TMEM135: variants seen among roughly 807,000 people sequenced by gnomAD.
TMEM135 encodes transmembrane protein 135, also known as peroxisomal membrane protein 52.
Under a neutral mutation model 60.3 loss-of-function variants are expected in TMEM135, and 30 were observed. The ratio of observed to expected loss-of-function variants is 0.50; its 90% CI spans 0.37 to 0.68. TMEM135 has a LOEUF of 0.68. Ranked by LOEUF, TMEM135 falls within the 30% of genes least tolerant of loss-of-function variation. TMEM135 has a pLI of 0.00. For synonymous variants in TMEM135, 190 were observed against 186.7 expected (o/e 1.02, Z -0.14); for missense variants, 468 against 548.8 (o/e 0.85, Z 1.47).
chr11:87,072,791 A>C (rs1365517487), intron 3 of TMEM135, among the ~76,000 whole-genome samples: 1 of 152,188 alleles, frequency 6.6e-6, no homozygotes, highest in African/African-American at 2.4e-5. Flanking sequence ...ACTTACATAA[A>C]CTGTTCAGTC....
chr11:87,222,921 C>A (rs370794516), intron 5 of TMEM135, among the ~76,000 whole-genome samples: 7 of 152,106 alleles, frequency 4.6e-5, no homozygotes, highest in Admixed American at 4.6e-4. Flanking sequence ...TATTCAACAT[C>A]GTTACATCTT....
intron 4 of TMEM135, among the ~76,000 whole-genome samples, chr11:87,156,734 G>A (rs1938705839): frequency 6.6e-6 from 1 of 151,884 alleles, no homozygotes; most frequent in Non-Finnish European, 1.5e-5. Flanking sequence ...TTTATCTCCT[G>A]TCTCTATATT....
At chr11:87,297,536 G>C (rs1056825770) in intron 7 of TMEM135, among the ~76,000 whole-genome samples, 4 of 152,164 alleles carry the variant, frequency 2.6e-5, no homozygotes, top group African/African-American at 9.7e-5. Flanking sequence ...AAAAACAAAA[G>C]TTAGGTTTTC....
intron 14 of TMEM135, 29 bp downstream of exon 14, chr11:87,319,406 T>C: frequency 6.7e-7 from 1 of 1,497,576 alleles, no homozygotes. Context: ...TTCTTAAAAA[T>C]ATTATGAGTG....
chr11:87,165,875 C>T (rs1003721317), intron 5 of TMEM135, among the ~76,000 whole-genome samples: 1 of 150,496 alleles, frequency 6.6e-6, no homozygotes, highest in Non-Finnish European at 1.5e-5. Flanking sequence ...AGAGAAGAAT[C>T]TAATAGACGC....
intron 3 of TMEM135, among the ~76,000 whole-genome samples, chr11:87,090,433 C>T (rs919977854): frequency 4.6e-5 from 7 of 152,016 alleles, no homozygotes; most frequent in South Asian, 4.2e-4. Context: ...GTGTATGAAT[C>T]GGGCATCAAG....
In TMEM135 at chr11:87,055,327, A is replaced by G. The variant is rs147428376; in HGVS notation, c.142-12367A>G. On this transcript the variant is annotated intron_variant, in intron 1 of 14. Transcript: ENST00000305494. Reference sequence around the variant, plus strand: ...TTTATTTGACAATTTCACAAATCCAATACCCTGGTCAAGAATTTGGCCTTT... The same window carrying G: ...TTTATTTGACAATTTCACAAATCCAGTACCCTGGTCAAGAATTTGGCCTTT... 2.0e-5 allele frequency among the ~76,000 whole-genome samples: 3 copies of G among 152,236 alleles called. No individual in the cohort carries two copies. The East Asian group carries it at 5.8e-4, about 29-fold the overall frequency.
At chr11:87,114,016 A>G (rs1213975472) in intron 4 of TMEM135, among the ~76,000 whole-genome samples, 1 of 152,124 alleles carries the variant, frequency 6.6e-6, no homozygotes, top group African/African-American at 2.4e-5. Flanking sequence ...CACCTTCACA[A>G]TTCTGAAGGA....
intron 6 of TMEM135, among the ~76,000 whole-genome samples, chr11:87,270,456 T>TA (rs1269718419): frequency 3.9e-5 from 6 of 152,166 alleles, no homozygotes; most frequent in African/African-American, 1.4e-4. Context: ...GGGAATGTGT[T>TA]AAAAAATTAC....
intron 1 of TMEM135, among the ~76,000 whole-genome samples, chr11:87,061,498 T>C (rs888229523): frequency 1.3e-5 from 2 of 152,214 alleles, no homozygotes; most frequent in African/African-American, 4.8e-5. Context: ...AGATACAACA[T>C]AAAATTGACT....
chr11:87,315,823 A>G (rs1942719207), intron 12 of TMEM135, among the ~76,000 whole-genome samples: 2 of 152,012 alleles, frequency 1.3e-5, no homozygotes, highest in African/African-American at 4.8e-5. Flanking sequence ...AAGTATCATT[A>G]TGAAGATTTG....
At chr11:87,316,080 G>A (rs1942723493) in intron 12 of TMEM135, among the ~76,000 whole-genome samples, 1 of 151,940 alleles carries the variant, frequency 6.6e-6, no homozygotes, top group South Asian at 2.1e-4. Context: ...TTTCAATCCA[G>A]GTGCTAGAGG....
intron 5 of TMEM135, among the ~76,000 whole-genome samples, chr11:87,169,183 G>GC (rs1372438488): frequency 2.7e-5 from 4 of 149,524 alleles, no homozygotes; most frequent in Non-Finnish European, 5.9e-5. Flanking sequence ...TTTATTTTGA[G>GC]CCTATGTGTG....
intron 3 of TMEM135, among the ~76,000 whole-genome samples, chr11:87,078,370 C>A (rs935335745): frequency 6.6e-6 from 1 of 152,152 alleles, no homozygotes; most frequent in Non-Finnish European, 1.5e-5. Context: ...ATTTACATAT[C>A]TTCTTTGGAG....
At position 87,326,653 on chromosome 11, in the gene TMEM135, A is replaced by T. The variant is rs565417160; in HGVS notation, c.*5320A>T. Reference sequence around the variant, plus strand: ...TTCCTGGCCCATGCTTTCCTGCCATATCTTTGCTATGTATTTCTTCATCTT... The same window carrying T: ...TTCCTGGCCCATGCTTTCCTGCCATTTCTTTGCTATGTATTTCTTCATCTT... On this transcript the variant is annotated 3_prime_UTR_variant, in exon 15 of 15. Coordinates refer to ENST00000305494, the MANE Select transcript of TMEM135 (RefSeq NM_022918.4). The T allele has an allele frequency of 4.4e-6, 2 of 454,016 alleles. No homozygotes were observed. The highest frequency in any genetic ancestry group is 4.0e-5 in the African/African-American group (2 of 50,094). 28.1% of individuals were successfully genotyped at this position (454,016 alleles called of 1,614,324 possible). A position where few individuals can be genotyped will look rare whatever the true frequency, so the allele number is the denominator to read the frequency against.
rs1425985384 is a variant in TMEM135, at chr11:87,130,437, G to T, written c.397-26904G>T. 2.0e-5 allele frequency among the ~76,000 whole-genome samples: 3 copies of T among 152,108 alleles called. No individual in the cohort carries two copies. In the South Asian group the frequency reaches 6.2e-4, roughly 32 times the overall value. On this transcript the variant is annotated intron_variant, in intron 4 of 14. Transcript: ENST00000305494. ...ACCTCTTTGAAAGTAATGTTCTATT[G>T]AGATCATGTTAGAAATCATATGACT...
rs541733315 is a variant in TMEM135 at position 87,168,670 on chromosome 11, C to T, written c.462+11264C>T. Among the ~76,000 whole-genome samples, 41 of 152,190 alleles carry T rather than the reference C, an allele frequency of 2.7e-4. No homozygotes were observed. In the South Asian group the frequency reaches 6.6e-3, roughly 25 times the overall value. ...TTTGATTGCATTGTGGTCTCAGAGA[C>T]TGTTTGTTATGATTTCCATTCTTTT... On this transcript the variant is annotated intron_variant, in intron 5 of 14. Coordinates refer to ENST00000305494, the MANE Select transcript of TMEM135 (RefSeq NM_022918.4).
chr11:87,193,599 G>A (rs1248140098), intron 5 of TMEM135, among the ~76,000 whole-genome samples: 1 of 151,814 alleles, frequency 6.6e-6, no homozygotes, highest in Non-Finnish European at 1.5e-5. Context: ...TAATTGTTAA[G>A]CTTTTGATTT....
chr11:87,281,019 A>T (rs1244682379), intron 6 of TMEM135, among the ~76,000 whole-genome samples: 1 of 152,232 alleles, frequency 6.6e-6, no homozygotes, highest in Admixed American at 6.5e-5. Flanking sequence ...AATTAAGAAA[A>T]GACTGGAAGC....
Sources: allele counts gnomAD v4.1 joint callset (sites outside exome capture counted in the v4.1 genomes callset), GRCh38; gene constraint gnomAD v4.1.1; transcripts MANE v1.5; gene names NCBI Gene and HGNC (gene_info 2026-07-23, HGNC 2026-07-21).